Variants in NCAN observed in about 807,000 individuals in gnomAD.
NCAN encodes neurocan core protein.
NCAN carries 47 observed loss-of-function variants against 121.8 expected under a neutral mutation model. The ratio of observed to expected loss-of-function variants is 0.39; its 90% confidence interval spans 0.31 to 0.49. The LOEUF (loss-of-function observed/expected upper bound fraction) is 0.49, where lower values mean the gene tolerates loss of function less well. Ranked by LOEUF, NCAN falls within the 20% of genes least tolerant of loss-of-function variation. The probability of loss-of-function intolerance (pLI) is 0.92; values close to 1 mark genes in which losing one functional copy is unlikely to be tolerated. For missense variants in NCAN, 1,517 were observed against 1,773.4 expected, an observed-to-expected ratio of 0.86 and a Z score of 2.60; for synonymous variants, 633 against 702.0, an observed-to-expected ratio of 0.90 and a Z score of 1.55.
chr19:19,213,140 G>A (rs1256308927), intron 1 of NCAN, among the ~76,000 whole-genome samples: 1 of 152,200 alleles, frequency 6.6e-6, no homozygotes, highest in East Asian at 1.9e-4. Flanking sequence ...CGTGGGGGCA[G>A]GGCAGGCAGG....
intron 13 of NCAN, among the ~76,000 whole-genome samples, chr19:19,248,385 C>G: frequency 6.6e-6 from 1 of 151,986 alleles, no homozygotes; most frequent in East Asian, 1.9e-4. Context: ...GCAGGGGTTG[C>G]AGTGAGCCGA....
rs532412223 is a variant in NCAN at position 19,244,309 on chromosome 19, C to CTTTTTTT, written c.3493-993_3493-987dup. 3.2e-3 allele frequency among the ~76,000 whole-genome samples: 411 copies of CTTTTTTT among 127,590 alleles called. 15 individuals are homozygous for CTTTTTTT. Among genetic ancestry groups the CTTTTTTT allele is most frequent in the African/African-American group, 0.012 (390 of 32,224 alleles). The allele number at this position is 127,590 out of a possible 152,430, so 83.7% of individuals were successfully genotyped here. A position where few individuals can be genotyped will look rare whatever the true frequency, so the allele number is the denominator to read the frequency against. The stretch of plus-strand genomic sequence containing the variant: ...TGTTCCCTGTCTGAACCCTTACTAT[C>CTTTTTTT]TTTTTTTTTTTTTTTTTGAGATAGA... On this transcript the variant is annotated intron_variant, in intron 12 of 14. Transcript: ENST00000252575.
intron 8 of NCAN, among the ~76,000 whole-genome samples, chr19:19,233,125 G>T (rs1223649367): frequency 2.0e-5 from 3 of 151,974 alleles, no homozygotes; most frequent in Non-Finnish European, 4.4e-5. Context: ...GTAGAGATGG[G>T]GTTTCACCAT....
At position 19,251,082 on chromosome 19, in the gene NCAN, C is replaced by G. The variant is rs368588381; in HGVS notation, c.*1171C>G. The G allele has an allele frequency of 6.6e-6, 1 of 152,166 alleles. No homozygotes were observed. The highest frequency in any genetic ancestry group is 1.5e-5 in the Non-Finnish European group (1 of 68,040). 9.4% of individuals were successfully genotyped at this position (152,166 alleles called of 1,614,324 possible). On this transcript the variant is annotated 3_prime_UTR_variant, in exon 15 of 15. Coordinates refer to ENST00000252575, the MANE Select transcript of NCAN (RefSeq NM_004386.3). ...CAACCTGTAAAAGGTCTCTCCACAC[C>G]AGGGGCCAGGATCCAGTTCCCTCAT...
chr19:19,228,409 CT>C lies in NCAN; in HGVS notation c.2790del (p.Thr932HisfsTer35). 1 of 1,613,680 alleles carries C rather than the reference CT, an allele frequency of 6.2e-7. No individual in the cohort carries two copies. The highest frequency in any genetic ancestry group is 8.5e-7 in the Non-Finnish European group (1 of 1,180,016). ...SSPLGKPAVP[P>X]GTPTAASVGE... ...CCCCTAGGGAAACCGGCTGTTCCTC[CT>C]GGGACACCGACTGCAGCCAGTGTGG... On this transcript the variant is annotated frameshift_variant, in exon 8 of 15. Transcript: ENST00000252575. LOFTEE classifies it high-confidence loss of function.
chr19:19,238,606 C>A (rs1165473546), intron 11 of NCAN, 195 bp downstream of exon 11: 5 of 641,578 alleles, frequency 7.8e-6, no homozygotes, highest in Admixed American at 2.7e-5. Flanking sequence ...CATACATTCA[C>A]TTCATTCATT....
Position 19,227,202 on chromosome 19 carries a change from C to T in NCAN, c.1661-79C>T. ...AGCTGGGTCCTCTGGCCCCAGAAGC[C>T]CCCTCTCCCTTGGGCCTGGAGTCCA... On this transcript the variant is annotated intron_variant, in intron 7 of 14. Transcript: ENST00000252575. This position sits in a 1 kb window ranked among gnomAD's most constrained non-coding sequence, Gnocchi z 4.2. The T allele has an allele frequency of 2.0e-6, 3 of 1,497,394 alleles. No individual in the cohort carries two copies. Among genetic ancestry groups the T allele is most frequent in the Non-Finnish European group, 2.7e-6 (3 of 1,125,358 alleles). 92.8% of individuals were successfully genotyped at this position (1,497,394 alleles called of 1,614,324 possible). A position where few individuals can be genotyped will look rare whatever the true frequency, so the allele number is the denominator to read the frequency against.
chr19:19,219,822 T>G (rs1370653473), intron 3 of NCAN, among the ~76,000 whole-genome samples: 2 of 149,070 alleles, frequency 1.3e-5, no homozygotes, highest in East Asian at 4.0e-4. Context: ...GTCAGGAGTT[T>G]GAGACCAGTG....
chr19:19,222,570 T>A (rs1363273695), intron 3 of NCAN, among the ~76,000 whole-genome samples: 1 of 152,196 alleles, frequency 6.6e-6, no homozygotes, highest in African/African-American at 2.4e-5. Flanking sequence ...TGAGCTGCTA[T>A]GCCCGGACAT....
chr19:19,213,518 GC>G (rs199543429), intron 1 of NCAN, among the ~76,000 whole-genome samples: 77 of 123,216 alleles, frequency 6.2e-4, no homozygotes, highest in African/African-American at 1.7e-3. Context: ...GGGGGGGGGG[GC>G]CCGAGACTGT....
intron 8 of NCAN, among the ~76,000 whole-genome samples, chr19:19,231,450 T>C (rs2146546779): frequency 6.6e-6 from 1 of 151,780 alleles, no homozygotes; most frequent in South Asian, 2.1e-4. Flanking sequence ...TGCCTCAGCC[T>C]CCTGAGTAGC....
chr19:19,228,937 G>A (rs917614421), intron 8 of NCAN, among the ~76,000 whole-genome samples: 1 of 152,328 alleles, frequency 6.6e-6, no homozygotes, highest in African/African-American at 2.4e-5. Context: ...GCCGGGCATG[G>A]TGCCTCATGC....
At position 19,227,030 on chromosome 19, in the gene NCAN, C is replaced by T; in HGVS notation, c.1617C>T (p.Ser539=). The T allele has an allele frequency of 3.3e-6, 5 of 1,520,984 alleles. No homozygotes were observed. Among genetic ancestry groups the T allele is most frequent in the Non-Finnish European group, 4.4e-6 (5 of 1,136,226 alleles). 94.2% of individuals were successfully genotyped at this position (1,520,984 alleles called of 1,614,324 possible). The part of the protein sequence containing the change: ...TEMLGSGQSR[S]PWADLTNEVD... The stretch of plus-strand genomic sequence containing the variant: ...TGTTGGGCAGTGGCCAGAGCCGGAG[C>T]CCCTGGGCTGATCTGACCAATGAGG... The change falls in exon 7 of 15, where the codon AGC becomes AGT. Residue 539 remains serine, a synonymous_variant. Transcript: ENST00000252575. This position sits in a 1 kb window ranked among gnomAD's most constrained non-coding sequence, Gnocchi z 4.2.
rs2060834305 is a variant in NCAN, at chr19:19,225,739, G to A, written c.1072+469G>A. Among the ~76,000 whole-genome samples, 1 of 152,180 alleles carries A rather than the reference G, an allele frequency of 6.6e-6. No homozygotes were observed. Among genetic ancestry groups the A allele is most frequent in the African/African-American group, 2.4e-5 (1 of 41,454 alleles). On this transcript the variant is annotated intron_variant, in intron 6 of 14. Transcript: ENST00000252575. The surrounding 1 kb of genome is among the most constrained non-coding windows in gnomAD (Gnocchi z 4.0). ...GTGGGGACAGCTTTGGAAGCTGCAA[G>A]CATCAACCCCAAGGAGCCATGTCCT...
At chr19:19,232,555 C>T (rs1006339840) in intron 8 of NCAN, among the ~76,000 whole-genome samples, 9 of 152,222 alleles carry the variant, frequency 5.9e-5, no homozygotes, top group Middle Eastern at 3.2e-3. Context: ...ACCTTCATTC[C>T]GTTAGCAAGC....
rs765535930 is a variant in NCAN at position 19,238,257 on chromosome 19, C to T, written c.3255C>T (p.Thr1085=). 3.5e-5 allele frequency: 57 copies of T among 1,614,004 alleles called. No homozygotes were observed. The highest frequency in any genetic ancestry group is 3.3e-4 in the Middle Eastern group (2 of 6,084). The change falls in exon 11 of 15, where the codon ACC becomes ACT. Residue 1085 remains threonine (T), a synonymous_variant. Transcript: ENST00000252575. ...CGCTCCTATCCCATCTCCCAGACAC[C>T]GAGGGCTGTGACCGCGGCTGGCATA... ...SYGGSFCEKD[T]EGCDRGWHKF...
intron 8 of NCAN, 68 bp from the exon 9 acceptor site, chr19:19,233,721 G>T: frequency 1.0e-6 from 1 of 989,520 alleles, no homozygotes. Context: ...GGGGCCTGGG[G>T]TCTTGATTCC....
Position 19,224,298 on chromosome 19 carries a change from G to A in NCAN, c.651-8G>A. On this transcript the variant is annotated splice_polypyrimidine_tract_variant and splice_region_variant and intron_variant, in intron 4 of 14. Coordinates refer to ENST00000252575, the MANE Select transcript of NCAN (RefSeq NM_004386.3). ...CATCTGAGAGGGACCCTCCCCTTGT[G>A]TTGTCAGGTATCCTATCACCCAGTC... The A allele has an allele frequency of 1.9e-6, 3 of 1,612,164 alleles. No individual in the cohort carries two copies. Among genetic ancestry groups the A allele is most frequent in the African/African-American group, 1.3e-5 (1 of 75,008 alleles).
Position 19,219,315 on chromosome 19 carries a change from A to G in NCAN, c.474A>G (p.Thr158=), listed in dbSNP as rs1264493009. 1 of 1,528,170 alleles carries G rather than the reference A, an allele frequency of 6.5e-7. No individual in the cohort carries two copies. Among genetic ancestry groups the G allele is most frequent in the Non-Finnish European group, 8.8e-7 (1 of 1,139,128 alleles). The allele number at this position is 1,528,170 out of a possible 1,614,324, so 94.7% of individuals were successfully genotyped here. A position where few individuals can be genotyped will look rare whatever the true frequency, so the allele number is the denominator to read the frequency against. ...DEQDLVPLEV[T]GVVFHYRSAR... is the part of the protein sequence containing the mutation. ...AGGACCTGGTGCCCTTGGAGGTGAC[A>G]GGTCAGTTGGGGGCAAAGGAGGGGC... Residue 158 remains threonine, a splice_region_variant and synonymous_variant, in exon 3 of 15, where the codon ACA becomes ACG. Transcript: ENST00000252575.
Sources: allele counts gnomAD v4.1 joint callset (sites outside exome capture counted in the v4.1 genomes callset), GRCh38; gene constraint gnomAD v4.1.1; non-coding constraint Gnocchi (gnomAD v3.1); transcripts MANE v1.5; gene names NCBI Gene and HGNC (gene_info 2026-07-23, HGNC 2026-07-21).